The following CNTN4 variants were observed in gnomAD, a reference collection of about 807,000 sequenced individuals.
The protein encoded by CNTN4 is contactin 4.
CNTN4 carries 77 observed loss-of-function variants against 122.5 expected under a neutral mutation model. The ratio of observed to expected loss-of-function variants is 0.63; its 90% CI spans 0.52 to 0.76. CNTN4 has a LOEUF of 0.76. Among genes scored for constraint, CNTN4 ranks in the 30% least tolerant of loss-of-function variants. CNTN4 has a pLI of 0.00. For missense variants in CNTN4, 1,256 were observed against 1,259.1 expected, an observed-to-expected ratio of 1.00 and a Z score of 0.04; for synonymous variants, 512 against 447.0, an observed-to-expected ratio of 1.15 and a Z score of -1.83.
At position 2,520,259 on chromosome 3, in the gene CNTN4, C is replaced by CTTTTTTTTTTTTTTT. The variant is rs397988483; in HGVS notation, c.-88-51140_-88-51126dup. On this transcript the variant is annotated intron_variant, in intron 3 of 24. Transcript: ENST00000418658. ...AAAAAGATAGGTTGGTGATTGCTTC[C>CTTTTTTTTTTTTTTT]TTTTTTTTTTTTTTTTTTTTTTTTT... is the stretch of plus-strand genomic sequence containing the variant. Among the ~76,000 whole-genome samples the CTTTTTTTTTTTTTTT allele has an allele frequency of 9.4e-5, 7 of 74,460 alleles. 1 individual carries two copies. Among genetic ancestry groups the CTTTTTTTTTTTTTTT allele is most frequent in the African/African-American group, 3.6e-4 (5 of 13,846 alleles). 48.8% of individuals were successfully genotyped at this position (74,460 alleles called of 152,430 possible). A position where few individuals can be genotyped will look rare whatever the true frequency, so the allele number is the denominator to read the frequency against.
chr3:2,711,503 C>T (rs1384917598), intron 4 of CNTN4, among the ~76,000 whole-genome samples: 2 of 152,082 alleles, frequency 1.3e-5, no homozygotes, highest in Non-Finnish European at 2.9e-5. Context: ...TCCAAATTCC[C>T]TACTTTTCTG....
chr3:2,917,070 C>T (rs1407165147), intron 12 of CNTN4, among the ~76,000 whole-genome samples: 4 of 127,654 alleles, frequency 3.1e-5, no homozygotes, highest in Non-Finnish European at 6.7e-5. Context: ...GAGGCCGAGG[C>T]TGGCGGATCA....
chr3:2,198,023 C>G (rs959310924), intron 2 of CNTN4, among the ~76,000 whole-genome samples: 1 of 120,374 alleles, frequency 8.3e-6, no homozygotes, highest in Non-Finnish European at 1.8e-5. Context: ...CAGACACTCT[C>G]TCTGGAAAAA....
intron 23 of CNTN4, among the ~76,000 whole-genome samples, chr3:3,045,070 G>A (rs534155826): frequency 6.6e-6 from 1 of 152,330 alleles, no homozygotes; most frequent in African/African-American, 2.4e-5. Context: ...GAACTGCAAG[G>A]CAGCAGTGAG....
At chr3:2,760,532 T>C (rs2090541624) in intron 6 of CNTN4, among the ~76,000 whole-genome samples, 1 of 152,188 alleles carries the variant, frequency 6.6e-6, no homozygotes, top group Admixed American at 6.5e-5. Flanking sequence ...TCAATTTCAT[T>C]CCATTGATTT....
At chr3:2,976,407 C>G (rs1359892273) in intron 13 of CNTN4, among the ~76,000 whole-genome samples, 4 of 152,142 alleles carry the variant, frequency 2.6e-5, no homozygotes, top group Non-Finnish European at 4.4e-5. Context: ...CTGAAATGCA[C>G]AGGTTGTTCA....
At chr3:2,241,969 C>A (rs1345395839) in intron 2 of CNTN4, among the ~76,000 whole-genome samples, 1 of 152,094 alleles carries the variant, frequency 6.6e-6, no homozygotes, top group Non-Finnish European at 1.5e-5. Context: ...ATTTATTTAA[C>A]TTCAAACACA....
chr3:2,109,465 A>C (rs1188489404), intron 2 of CNTN4, among the ~76,000 whole-genome samples: 1 of 152,130 alleles, frequency 6.6e-6, no homozygotes, highest in Non-Finnish European at 1.5e-5. Flanking sequence ...GAACTTTTGT[A>C]TATAAAAATA....
At chr3:2,129,079 A>G (rs1476610303) in intron 2 of CNTN4, among the ~76,000 whole-genome samples, 1 of 152,172 alleles carries the variant, frequency 6.6e-6, no homozygotes, top group Non-Finnish European at 1.5e-5. Flanking sequence ...ATAATATATT[A>G]ACACGTTAAA....
At chr3:2,774,260 CAAAACA>C (rs1313709622) in intron 6 of CNTN4, among the ~76,000 whole-genome samples, 1 of 151,834 alleles carries the variant, frequency 6.6e-6, no homozygotes, top group Admixed American at 6.6e-5. Flanking sequence ...GACTCCATCT[CAAAACA>C]AAAACAAAAA....
At chr3:2,973,323 A>T (rs962061141) in intron 13 of CNTN4, among the ~76,000 whole-genome samples, 1 of 152,024 alleles carries the variant, frequency 6.6e-6, no homozygotes, top group Non-Finnish European at 1.5e-5. Context: ...TTAAGCACAT[A>T]GCAGGCTTTA....
intron 6 of CNTN4, among the ~76,000 whole-genome samples, chr3:2,803,803 C>A (rs754515456): frequency 2.0e-5 from 3 of 152,002 alleles, no homozygotes; most frequent in African/African-American, 7.3e-5. Flanking sequence ...TCAGGTGATC[C>A]ACCTGCCTTG....
At chr3:2,258,617 CATAAT>C (rs2040696356) in intron 2 of CNTN4, among the ~76,000 whole-genome samples, 1 of 152,130 alleles carries the variant, frequency 6.6e-6, no homozygotes, top group Admixed American at 6.6e-5. Context: ...ACCTACCACA[CATAAT>C]ATAATTGGCT....
At chr3:2,156,470 G>A (rs1292275152) in intron 2 of CNTN4, among the ~76,000 whole-genome samples, 1 of 152,182 alleles carries the variant, frequency 6.6e-6, no homozygotes, top group Non-Finnish European at 1.5e-5. Flanking sequence ...GGCAGTGATC[G>A]GATTCCTGTC....
intron 4 of CNTN4, among the ~76,000 whole-genome samples, chr3:2,735,552 G>A (rs1272198157): frequency 6.6e-6 from 1 of 152,142 alleles, no homozygotes; most frequent in Admixed American, 6.6e-5. Context: ...GACCAGTTTG[G>A]GCGTTACTGA....
chr3:2,685,165 C>G (rs1219852552), intron 4 of CNTN4, among the ~76,000 whole-genome samples: 2 of 152,070 alleles, frequency 1.3e-5, no homozygotes, highest in Non-Finnish European at 2.9e-5. Flanking sequence ...ATGTCCACAT[C>G]AGGAATCATC....
chr3:2,162,399 A>C (rs1374321453), intron 2 of CNTN4, among the ~76,000 whole-genome samples: 1 of 152,236 alleles, frequency 6.6e-6, no homozygotes, highest in African/African-American at 2.4e-5. Flanking sequence ...CATGGTGGCA[A>C]TTTAAGCAGG....
At chr3:2,348,000 A>G (rs1658953135) in intron 3 of CNTN4, among the ~76,000 whole-genome samples, 1 of 152,002 alleles carries the variant, frequency 6.6e-6, no homozygotes. Flanking sequence ...TACTGTGCCA[A>G]CTGAATTTTT....
intron 2 of CNTN4, among the ~76,000 whole-genome samples, chr3:2,141,010 G>T (rs751199011): frequency 6.6e-6 from 1 of 152,196 alleles, no homozygotes; most frequent in Admixed American, 6.5e-5. Flanking sequence ...TACAGGTTAT[G>T]TGAAACTTTC....
Sources: allele counts gnomAD v4.1 joint callset (sites outside exome capture counted in the v4.1 genomes callset), GRCh38; gene constraint gnomAD v4.1.1; transcripts MANE v1.5; gene names NCBI Gene and HGNC (gene_info 2026-07-23, HGNC 2026-07-21).